Variants in MEF2C observed in about 807,000 individuals in gnomAD.
MEF2C encodes the protein myocyte enhancer factor 2C.
A neutral mutation model predicts 50.5 loss-of-function variants in MEF2C; 6 were observed. That is an observed-to-expected ratio of 0.12 (90% confidence interval 0.07 to 0.23). The LOEUF (loss-of-function observed/expected upper bound fraction) is 0.23, where lower values mean the gene tolerates loss of function less well. MEF2C is among the 10% of genes least tolerant of loss of function. MEF2C has a pLI of 1.00. For missense variants in MEF2C, 276 were observed against 605.0 expected (o/e 0.46, Z 5.70); for synonymous variants, 183 against 228.0 (o/e 0.80, Z 1.78).
chr5:88,738,135 T>A, intron 6 of MEF2C: 1 of 985,354 alleles, frequency 1.0e-6, no homozygotes, highest in Non-Finnish European at 1.2e-6. Context: ...AATGTTTCTG[T>A]TAAGAGTTCT....
chr5:88,859,374 C>T lies in MEF2C; in HGVS notation c.-143+23581G>A, dbSNP rs187898646. 5.3e-5 allele frequency among the ~76,000 whole-genome samples: 8 copies of T among 152,286 alleles called. No homozygotes were observed. In the East Asian group the frequency reaches 9.6e-4, roughly 18 times the overall value. On this transcript the variant is annotated intron_variant, in intron 1 of 10. Transcript: ENST00000504921. ...CATTCAAGCTCTTCTGTTAAGATCC[C>T]GCTCAAGTGTTTTCTCCTTTGTGAA...
At chr5:88,818,827 A>G (rs1806849756) in intron 2 of MEF2C, among the ~76,000 whole-genome samples, 1 of 151,982 alleles carries the variant, frequency 6.6e-6, no homozygotes, top group Non-Finnish European at 1.5e-5. Context: ...ATGAAGGTTT[A>G]GGTAACATTC....
At chr5:88,888,665 A>G (rs928034308) in intron 1 of MEF2C, among the ~76,000 whole-genome samples, 2 of 150,902 alleles carry the variant, frequency 1.3e-5, no homozygotes, top group African/African-American at 2.4e-5. Flanking sequence ...CCCAGGGCCT[A>G]TTCACCTTAT....
chr5:88,783,847 CACAG>C (rs1247554555), intron 3 of MEF2C, among the ~76,000 whole-genome samples: 1 of 152,120 alleles, frequency 6.6e-6, no homozygotes, highest in Non-Finnish European at 1.5e-5. Flanking sequence ...TTTGTGAGGT[CACAG>C]ACAATGTCTT....
At chr5:88,789,384 T>A (rs1002034271) in intron 3 of MEF2C, among the ~76,000 whole-genome samples, 1 of 152,036 alleles carries the variant, frequency 6.6e-6, no homozygotes, top group East Asian at 1.9e-4. Flanking sequence ...CCCAGGCTGG[T>A]CTTGAACTCC....
At chr5:88,756,886 A>C (rs1489504189) in intron 4 of MEF2C, among the ~76,000 whole-genome samples, 1 of 152,156 alleles carries the variant, frequency 6.6e-6, no homozygotes, top group Non-Finnish European at 1.5e-5. Context: ...ACAAACACTC[A>C]AGATAGGAAG....
rs529989757 is a variant in MEF2C, at chr5:88,865,967, C to T, written c.-143+16988G>A. Among the ~76,000 whole-genome samples the T allele has an allele frequency of 2.9e-3, 447 of 151,736 alleles. 4 individuals are homozygous for T. In the South Asian group the frequency reaches 0.037, roughly 13 times the overall value. On this transcript the variant is annotated intron_variant, in intron 1 of 10. Transcript: ENST00000504921. ...CTGGAGTGCAGTGACTCTATCTCGGCTCACTGCAAGCTCCGCCTCCTGGGT... is the reference window on the plus strand; with the variant it reads ...CTGGAGTGCAGTGACTCTATCTCGGTTCACTGCAAGCTCCGCCTCCTGGGT...
At chr5:88,860,717 G>A (rs1195201215) in intron 1 of MEF2C, among the ~76,000 whole-genome samples, 1 of 152,136 alleles carries the variant, frequency 6.6e-6, no homozygotes, top group Non-Finnish European at 1.5e-5. Flanking sequence ...TTTAAGTAGA[G>A]CTTCCAATTT....
At chr5:88,829,378 C>T (rs936021074) in intron 1 of MEF2C, among the ~76,000 whole-genome samples, 5 of 152,004 alleles carry the variant, frequency 3.3e-5, no homozygotes, top group Admixed American at 3.3e-4. Flanking sequence ...GCACTGAGTC[C>T]TTCTCCTTTG....
rs879560669 is a variant in MEF2C, at chr5:88,883,003, AAG to A, written c.-193_-192del. 5.7e-4 allele frequency: 86 copies of A among 150,240 alleles called. No individual in the cohort carries two copies. The highest frequency in any genetic ancestry group is 7.3e-4 in the Admixed American group (11 of 15,092). The allele number at this position is 150,240 out of a possible 1,614,324, so 9.3% of individuals were successfully genotyped here. A position where few individuals can be genotyped will look rare whatever the true frequency, so the allele number is the denominator to read the frequency against. On this transcript the variant is annotated 5_prime_UTR_variant, in exon 1 of 11. Transcript: ENST00000504921. Reference sequence around the variant, plus strand: ...AGTCCTTGGGATATTTTCCTTTCTTAAGAGAGAGAGAGAGAGAAAAAAAAAAT... The same window carrying A: ...AGTCCTTGGGATATTTTCCTTTCTTAAGAGAGAGAGAGAGAAAAAAAAAAT...
chr5:88,880,419 C>T (rs1015194723), intron 1 of MEF2C, among the ~76,000 whole-genome samples: 1 of 152,052 alleles, frequency 6.6e-6, no homozygotes, highest in Non-Finnish European at 1.5e-5. Flanking sequence ...TGCTGCACAG[C>T]TATTTCCCCA....
At chr5:88,789,763 T>C (rs530424558) in intron 3 of MEF2C, among the ~76,000 whole-genome samples, 2 of 152,278 alleles carry the variant, frequency 1.3e-5, no homozygotes, top group Non-Finnish European at 2.9e-5. Context: ...CTAAACACCA[T>C]TGAGACATGA....
At chr5:88,890,394 A>G (rs905768396) in intron 1 of MEF2C, among the ~76,000 whole-genome samples, 4 of 152,354 alleles carry the variant, frequency 2.6e-5, no homozygotes, top group Admixed American at 2.0e-4. Flanking sequence ...GGAATACTCA[A>G]TTACATCGAA....
intron 3 of MEF2C, among the ~76,000 whole-genome samples, chr5:88,791,675 A>G (rs915549313): frequency 6.6e-6 from 1 of 152,132 alleles, no homozygotes; most frequent in African/African-American, 2.4e-5. Context: ...AATTTGATCT[A>G]TACAAATCAT....
intron 3 of MEF2C, among the ~76,000 whole-genome samples, chr5:88,793,649 A>T (rs935521254): frequency 1.3e-5 from 2 of 151,988 alleles, no homozygotes; most frequent in Admixed American, 6.6e-5. Flanking sequence ...AATTTTGTAC[A>T]TATATATTTA....
At chr5:88,741,490 A>G (rs1766761521) in intron 6 of MEF2C, 2 of 985,346 alleles carry the variant, frequency 2.0e-6, no homozygotes, top group Non-Finnish European at 2.4e-6. Flanking sequence ...TCTTTTCCCA[A>G]ACTACTCCTT....
At chr5:88,745,231 C>T (rs1768823943) in intron 6 of MEF2C, among the ~76,000 whole-genome samples, 1 of 152,144 alleles carries the variant, frequency 6.6e-6, no homozygotes, top group Admixed American at 6.5e-5. Context: ...AAGAGTTTGC[C>T]TCCACAGAGC....
chr5:88,840,797 T>C (rs1348990384), intron 1 of MEF2C, among the ~76,000 whole-genome samples: 1 of 152,224 alleles, frequency 6.6e-6, no homozygotes, highest in Non-Finnish European at 1.5e-5. Flanking sequence ...TTCCTTTAGC[T>C]ACCATTAAAA....
At chr5:88,775,159 C>T (rs1356663147) in intron 3 of MEF2C, among the ~76,000 whole-genome samples, 2 of 152,116 alleles carry the variant, frequency 1.3e-5, no homozygotes, top group Admixed American at 6.5e-5. Flanking sequence ...TTTCTAGGAC[C>T]GACATCAAAA....
Sources: allele counts gnomAD v4.1 joint callset (sites outside exome capture counted in the v4.1 genomes callset), GRCh38; gene constraint gnomAD v4.1.1; transcripts MANE v1.5; gene names NCBI Gene and HGNC (gene_info 2026-07-23, HGNC 2026-07-21).